TAF2: variants seen among roughly 807,000 people sequenced by gnomAD.
The protein encoded by TAF2 is TATA-box binding protein associated factor 2.
A neutral mutation model predicts 138.5 loss-of-function variants in TAF2; 61 were observed. The observed-to-expected ratio is 0.44, with a 90% confidence interval of 0.36 to 0.54. The LOEUF (loss-of-function observed/expected upper bound fraction) is 0.54, where lower values mean the gene tolerates loss of function less well. TAF2 is among the 20% of genes least tolerant of loss of function. The pLI is 0.00. For missense variants in TAF2, 1,090 were observed against 1,427.9 expected (o/e 0.76, Z 3.81); for synonymous variants, 475 against 469.9 (o/e 1.01, Z -0.14).
rs74457554 is a variant in TAF2 at position 119,751,301 on chromosome 8, C to T, written c.2879-4367G>A. On this transcript the variant is annotated intron_variant, in intron 22 of 25. Transcript: ENST00000378164. ...TCAGCCTGGTTCTAGCAACACCTGTCCCTCATTGCCCAGAGCATAAAATCT... is the reference window on the plus strand; with the variant it reads ...TCAGCCTGGTTCTAGCAACACCTGTTCCTCATTGCCCAGAGCATAAAATCT... 6.9e-3 allele frequency among the ~76,000 whole-genome samples: 1,055 copies of T among 152,274 alleles called. 13 individuals carry two copies. The highest frequency in any genetic ancestry group is 0.024 in the African/African-American group (1,004 of 41,566).
At chr8:119,755,530 T>C (rs894274136) in intron 22 of TAF2, among the ~76,000 whole-genome samples, 2 of 152,032 alleles carry the variant, frequency 1.3e-5, no homozygotes, top group Non-Finnish European at 2.9e-5. Flanking sequence ...AAAACTGTGA[T>C]GAGATATCAT....
intron 15 of TAF2, 42 bp downstream of exon 15, chr8:119,785,159 G>A (rs1212887296): frequency 6.7e-7 from 1 of 1,501,126 alleles, no homozygotes; most frequent in African/African-American, 1.4e-5. Flanking sequence ...AGATGAGAAT[G>A]CAGAAAGTAT....
intron 18 of TAF2, among the ~76,000 whole-genome samples, chr8:119,769,266 C>G (rs1332605721): frequency 1.3e-5 from 2 of 152,046 alleles, no homozygotes; most frequent in African/African-American, 4.8e-5. Context: ...AAAAAAATAC[C>G]CTACCCAATA....
chr8:119,738,171 A>G (rs1819359352), intron 25 of TAF2, among the ~76,000 whole-genome samples: 1 of 151,826 alleles, frequency 6.6e-6, no homozygotes, highest in Non-Finnish European at 1.5e-5. Context: ...CTCTCTCTAT[A>G]TATGTACGTA....
At chr8:119,759,237 A>G (rs1402885262) in intron 20 of TAF2, among the ~76,000 whole-genome samples, 1 of 152,146 alleles carries the variant, frequency 6.6e-6, no homozygotes, top group Non-Finnish European at 1.5e-5. Flanking sequence ...AACCTTCAAT[A>G]AAAAGGAAGC....
chr8:119,826,157 T>C (rs922473345), intron 2 of TAF2, among the ~76,000 whole-genome samples: 1 of 151,664 alleles, frequency 6.6e-6, no homozygotes, highest in African/African-American at 2.4e-5. Flanking sequence ...AAATACCTAA[T>C]GTAGGTGACA....
chr8:119,732,670 G>A (rs1031222910), intron 25 of TAF2, among the ~76,000 whole-genome samples: 5 of 152,124 alleles, frequency 3.3e-5, no homozygotes, highest in African/African-American at 1.2e-4. Context: ...CGGGCATGGT[G>A]GCGGGTGCCT....
intron 22 of TAF2, 81 bp from the exon 23 acceptor site, chr8:119,747,015 A>C (rs188247621): frequency 2.1e-6 from 3 of 1,423,018 alleles, no homozygotes; most frequent in East Asian, 4.7e-5. Flanking sequence ...TGAACAACAA[A>C]AGGAACTTTA....
At chr8:119,769,011 T>C (rs1445349763) in intron 18 of TAF2, among the ~76,000 whole-genome samples, 5 of 152,182 alleles carry the variant, frequency 3.3e-5, no homozygotes, top group Admixed American at 3.3e-4. Flanking sequence ...TGTCTAAGAC[T>C]TGGAGCTAGT....
intron 9 of TAF2, among the ~76,000 whole-genome samples, chr8:119,793,708 T>C (rs1249831806): frequency 2.6e-5 from 4 of 152,206 alleles, no homozygotes; most frequent in African/African-American, 9.6e-5. Context: ...AACTTTTTCT[T>C]ATGGCTGTTC....
chr8:119,777,037 G>A (rs181793155), intron 18 of TAF2, among the ~76,000 whole-genome samples: 1 of 118,948 alleles, frequency 8.4e-6, no homozygotes, highest in African/African-American at 2.6e-5. Context: ...TTTTTTCCTT[G>A]TCATTCTTTC....
chr8:119,744,584 A>G, intron 23 of TAF2, 191 bp from the exon 24 acceptor site: 1 of 603,740 alleles, frequency 1.7e-6, no homozygotes, highest in Non-Finnish European at 2.9e-6. Flanking sequence ...CTCTAAAAGA[A>G]GCCAATTAGA....
intron 19 of TAF2, 134 bp downstream of exon 19, chr8:119,762,281 G>A: frequency 1.2e-6 from 1 of 806,648 alleles, no homozygotes; most frequent in Non-Finnish European, 1.9e-6. Flanking sequence ...TAATTTATCT[G>A]TGGGTGGTAG....
chr8:119,772,768 C>G (rs1315145506), intron 18 of TAF2, among the ~76,000 whole-genome samples: 1 of 151,872 alleles, frequency 6.6e-6, no homozygotes, highest in African/African-American at 2.4e-5. Context: ...GAAACCCCGT[C>G]TCTACTAAAA....
At chr8:119,784,360 G>C (rs1158973538) in intron 15 of TAF2, among the ~76,000 whole-genome samples, 1 of 152,108 alleles carries the variant, frequency 6.6e-6, no homozygotes, top group Non-Finnish European at 1.5e-5. Context: ...TTCAAGACCA[G>C]CCTGGCCAAC....
At chr8:119,780,093 T>C (rs1822535097) in intron 17 of TAF2, among the ~76,000 whole-genome samples, 1 of 152,206 alleles carries the variant, frequency 6.6e-6, no homozygotes, top group African/African-American at 2.4e-5. Context: ...TAGTTCTCTC[T>C]ACTTCAACTT....
At chr8:119,781,988 G>GA (rs796739394) in intron 16 of TAF2, among the ~76,000 whole-genome samples, 14 of 152,108 alleles carry the variant, frequency 9.2e-5, no homozygotes, top group African/African-American at 3.1e-4. Context: ...GCACTCGGCC[G>GA]AAAAAATTCT....
At chr8:119,814,325 T>C (rs942333883) in intron 3 of TAF2, among the ~76,000 whole-genome samples, 11 of 152,008 alleles carry the variant, frequency 7.2e-5, no homozygotes, top group African/African-American at 2.2e-4. Context: ...AGTTAAACTA[T>C]TGCTATTACT....
At chr8:119,761,703 G>C (rs979218809) in intron 19 of TAF2, 6 of 152,622 alleles carry the variant, frequency 3.9e-5, no homozygotes, top group African/African-American at 1.5e-4. Context: ...AGGAGGCTGA[G>C]GCAGGAGAAT....
Sources: allele counts gnomAD v4.1 joint callset (sites outside exome capture counted in the v4.1 genomes callset), GRCh38; gene constraint gnomAD v4.1.1; transcripts MANE v1.5; gene names NCBI Gene and HGNC (gene_info 2026-07-23, HGNC 2026-07-21).